The following KCNQ5 variants were observed in gnomAD, a reference collection of about 807,000 sequenced individuals.
KCNQ5 encodes the protein potassium voltage-gated channel subfamily KQT member 5.
In KCNQ5, 30 loss-of-function variants were observed where a neutral mutation model predicts 98.2. The ratio of observed to expected loss-of-function variants is 0.31; its 90% CI spans 0.23 to 0.41. The LOEUF is 0.41. KCNQ5 is among the 10% of genes least tolerant of loss of function. The pLI is 1.00. For synonymous variants in KCNQ5, 458 were observed against 449.4 expected (o/e 1.02, Z -0.24); for missense variants, 835 against 1,182.5 (o/e 0.71, Z 4.31).
intron 1 of KCNQ5, among the ~76,000 whole-genome samples, chr6:72,694,405 G>T (rs1768379236): frequency 6.6e-6 from 1 of 152,156 alleles, no homozygotes; most frequent in Admixed American, 6.5e-5. Context: ...TCCTTACTTT[G>T]TGCCTGTCCT....
intron 2 of KCNQ5, among the ~76,000 whole-genome samples, chr6:73,036,027 GTGTA>G (rs1190445684): frequency 7.4e-6 from 1 of 134,516 alleles, no homozygotes; most frequent in Non-Finnish European, 1.7e-5. Flanking sequence ...GTGTGTGTGT[GTGTA>G]TTGGCTCTGT....
intron 3 of KCNQ5, among the ~76,000 whole-genome samples, chr6:73,071,613 A>C (rs575215398): frequency 5.3e-5 from 8 of 152,174 alleles, no homozygotes; most frequent in Non-Finnish European, 8.8e-5. Context: ...GCAGAAGGTG[A>C]AGTGGGGCCA....
intron 1 of KCNQ5, among the ~76,000 whole-genome samples, chr6:72,984,625 C>A (rs186569994): frequency 1.0e-3 from 158 of 152,310 alleles, no homozygotes; most frequent in African/African-American, 3.7e-3. Context: ...TCACGGCTTC[C>A]CTTGGCTAGG....
At chr6:73,181,310 A>C (rs890741947) in intron 11 of KCNQ5, among the ~76,000 whole-genome samples, 1 of 152,206 alleles carries the variant, frequency 6.6e-6, no homozygotes. Context: ...CTAACCTTAG[A>C]GGTCTTTTGC....
rs369028552 is a variant in KCNQ5 at position 73,190,730 on chromosome 6, G to A, written c.1709+26G>A. ...GTAAGCAATGGAAATGTCATTCCTT[G>A]TAAAGGAATGGGCATAGAACCTATC... On this transcript the variant is annotated intron_variant, in intron 12 of 13. Coordinates refer to ENST00000370398, the MANE Select transcript of KCNQ5 (RefSeq NM_019842.4). 4.1e-6 allele frequency: 6 copies of A among 1,481,096 alleles called. No homozygotes were observed. The Admixed American group carries it at 6.1e-5, about 15-fold the overall frequency. 91.7% of individuals were successfully genotyped at this position (1,481,096 alleles called of 1,614,324 possible).
chr6:73,094,571 T>C (rs1774400583), intron 5 of KCNQ5, among the ~76,000 whole-genome samples: 1 of 152,206 alleles, frequency 6.6e-6, no homozygotes, highest in Non-Finnish European at 1.5e-5. Flanking sequence ...AGGATTTGTT[T>C]CGAGATTTAG....
chr6:72,998,426 T>C (rs768425933), intron 1 of KCNQ5, among the ~76,000 whole-genome samples: 32 of 152,320 alleles, frequency 2.1e-4, no homozygotes, highest in Non-Finnish European at 3.8e-4. Context: ...TTCAATCCTA[T>C]GGTTCCATTC....
At chr6:73,075,272 G>C (rs1773481263) in intron 3 of KCNQ5, among the ~76,000 whole-genome samples, 1 of 150,000 alleles carries the variant, frequency 6.7e-6, no homozygotes, top group Non-Finnish European at 1.5e-5. Flanking sequence ...CGCTAGGCTG[G>C]AGTGCAGTGG....
intron 1 of KCNQ5, among the ~76,000 whole-genome samples, chr6:72,833,000 T>C (rs1009620379): frequency 2.0e-5 from 3 of 152,194 alleles, no homozygotes; most frequent in African/African-American, 7.2e-5. Flanking sequence ...ATGGGCTGTG[T>C]TGTGCTTGTA....
At chr6:72,958,713 T>C (rs1007999707) in intron 1 of KCNQ5, among the ~76,000 whole-genome samples, 2 of 152,168 alleles carry the variant, frequency 1.3e-5, no homozygotes, top group African/African-American at 2.4e-5. Flanking sequence ...AGGTCAAGAA[T>C]CAGGTAACAA....
At chr6:73,008,379 A>G (rs1769911820) in intron 2 of KCNQ5, among the ~76,000 whole-genome samples, 1 of 152,202 alleles carries the variant, frequency 6.6e-6, no homozygotes, top group Non-Finnish European at 1.5e-5. Flanking sequence ...CTTACTTTAG[A>G]TTCAAAGACA....
rs1009343158 is a variant in KCNQ5, at chr6:72,735,777, T to G, written c.398+113190T>G. Among the ~76,000 whole-genome samples, 7 of 152,168 alleles carry G rather than the reference T, an allele frequency of 4.6e-5. No individual in the cohort carries two copies. The East Asian group carries it at 1.3e-3, about 29-fold the overall frequency. On this transcript the variant is annotated intron_variant, in intron 1 of 13. Coordinates refer to ENST00000370398, the MANE Select transcript of KCNQ5 (RefSeq NM_019842.4). ...ATTTTATAAATGTAGTCATTTTAGA[T>G]GCTTTGAAAAATGAAGAAGCTTTCA... is the stretch of plus-strand genomic sequence containing the variant.
At chr6:73,181,836 C>T (rs1778413486) in intron 11 of KCNQ5, among the ~76,000 whole-genome samples, 1 of 152,206 alleles carries the variant, frequency 6.6e-6, no homozygotes, top group Admixed American at 6.5e-5. Flanking sequence ...TACTTAACCT[C>T]TCTGTGCCTC....
At chr6:72,911,111 A>T (rs1258160458) in intron 1 of KCNQ5, among the ~76,000 whole-genome samples, 1 of 152,194 alleles carries the variant, frequency 6.6e-6, no homozygotes, top group Admixed American at 6.5e-5. Flanking sequence ...CAAGAAAATG[A>T]CAAGACGAGA....
intron 1 of KCNQ5, among the ~76,000 whole-genome samples, chr6:72,700,289 CTATA>C (rs759869321): frequency 7.7e-6 from 1 of 130,142 alleles, no homozygotes; most frequent in Non-Finnish European, 1.6e-5. Context: ...ATCTATATAT[CTATA>C]TCTATCTATC....
At chr6:72,965,291 A>G (rs1461657503) in intron 1 of KCNQ5, among the ~76,000 whole-genome samples, 1 of 152,372 alleles carries the variant, frequency 6.6e-6, no homozygotes, top group East Asian at 1.9e-4. Context: ...GTGAATCAAC[A>G]ATATTAAATA....
intron 1 of KCNQ5, among the ~76,000 whole-genome samples, chr6:72,651,323 T>C (rs537351998): frequency 1.3e-5 from 2 of 152,062 alleles, no homozygotes; most frequent in Non-Finnish European, 2.9e-5. Flanking sequence ...GACAGATGGA[T>C]GCATAGATAG....
chr6:72,995,263 G>C (rs1395350602), intron 1 of KCNQ5, among the ~76,000 whole-genome samples: 1 of 151,800 alleles, frequency 6.6e-6, no homozygotes, highest in Non-Finnish European at 1.5e-5. Context: ...AGTTACTTGG[G>C]AGGCTGAGGC....
chr6:73,139,791 A>G (rs986900108), intron 10 of KCNQ5, among the ~76,000 whole-genome samples: 7 of 152,166 alleles, frequency 4.6e-5, no homozygotes, highest in South Asian at 2.1e-4. Context: ...CCACTAAGGG[A>G]AAACTGGTAC....
Sources: allele counts gnomAD v4.1 joint callset (sites outside exome capture counted in the v4.1 genomes callset), GRCh38; gene constraint gnomAD v4.1.1; transcripts MANE v1.5; gene names NCBI Gene and HGNC (gene_info 2026-07-23, HGNC 2026-07-21).